CAMTA1: variants seen among roughly 807,000 people sequenced by gnomAD.
The protein encoded by CAMTA1 is calmodulin-binding transcription activator 1.
A neutral mutation model predicts 170.9 loss-of-function variants in CAMTA1; 27 were observed. The ratio of observed to expected loss-of-function variants is 0.16; its 90% CI spans 0.12 to 0.22. The LOEUF is 0.22. CAMTA1 is among the 10% of genes least tolerant of loss of function. The pLI is 1.00. For missense variants in CAMTA1, 1,619 were observed against 2,217.2 expected, an observed-to-expected ratio of 0.73 and a Z score of 5.42; for synonymous variants, 833 against 891.5, an observed-to-expected ratio of 0.93 and a Z score of 1.17.
intron 6 of CAMTA1, among the ~76,000 whole-genome samples, chr1:7,500,444 A>G (rs1173495583): frequency 6.6e-6 from 1 of 151,760 alleles, no homozygotes; most frequent in African/African-American, 2.4e-5. Flanking sequence ...GTGTGTGTGC[A>G]TGAGTGAGTG....
At chr1:7,185,958 C>G (rs1304386466) in intron 4 of CAMTA1, among the ~76,000 whole-genome samples, 3 of 152,184 alleles carry the variant, frequency 2.0e-5, no homozygotes, top group Non-Finnish European at 2.9e-5. Flanking sequence ...CTTTAGCTCT[C>G]AAGGGCTTTA....
At position 7,768,126 on chromosome 1, in the gene CAMTA1, A is replaced by G. The variant is rs1404268798; in HGVS notation, c.*1635A>G. ...CACTTAGAATGATAAAAAAAAAAAA[A>G]AAAAACCTGACAAAAGAAATAGTAT... On this transcript the variant is annotated 3_prime_UTR_variant, in exon 23 of 23. Transcript: ENST00000303635. The G allele has an allele frequency of 1.3e-5, 2 of 152,416 alleles. No individual in the cohort carries two copies. The highest frequency in any genetic ancestry group is 2.1e-4 in the South Asian group (1 of 4,826). The allele number at this position is 152,416 out of a possible 1,614,324, so 9.4% of individuals were successfully genotyped here.
intron 6 of CAMTA1, among the ~76,000 whole-genome samples, chr1:7,552,543 G>A (rs907246810): frequency 5.9e-5 from 9 of 152,250 alleles, no homozygotes; most frequent in Admixed American, 3.9e-4. Flanking sequence ...CGACAGGAGG[G>A]AAGGAAGGAG....
Position 7,751,208 on chromosome 1 carries a change from T to C in CAMTA1, c.4699T>C (p.Tyr1567His), listed in dbSNP as rs267598728. ...CYRKYKQYAL[Y>H]KKMTQAAILI... ...CTTGTTTCCCCTGCAGTACGCACTT[T>C]ATAAAAAGATGACACAGGCTGCCAT... Residue 1567 changes from tyrosine to histidine, a missense_variant, in exon 20 of 23, where the codon TAT (tyrosine) becomes CAT (histidine). Physicochemically the swap from Tyr to His is moderately conservative, Grantham distance 83. Transcript: ENST00000303635. 6.3e-7 allele frequency: 1 copy of C among 1,589,738 alleles called. No individual in the cohort carries two copies.
chr1:7,241,853 A>G (rs535458027), intron 4 of CAMTA1, among the ~76,000 whole-genome samples: 13 of 152,330 alleles, frequency 8.5e-5, no homozygotes, highest in African/African-American at 2.2e-4. Flanking sequence ...AAAGATATAG[A>G]AGAAGACATA....
At chr1:7,737,913 T>C in intron 15 of CAMTA1, 46 bp from the exon 16 acceptor site, 1 of 1,530,312 alleles carries the variant, frequency 6.5e-7, no homozygotes, top group Non-Finnish European at 8.8e-7. Flanking sequence ...TGAGGATTCC[T>C]AGTTGTATCT....
intron 5 of CAMTA1, among the ~76,000 whole-genome samples, chr1:7,372,719 A>C (rs1643266038): frequency 6.6e-6 from 1 of 152,210 alleles, no homozygotes; most frequent in Non-Finnish European, 1.5e-5. Context: ...GCAGCCTTGG[A>C]GCCCCATGTG....
At chr1:7,187,608 A>G (rs867354681) in intron 4 of CAMTA1, among the ~76,000 whole-genome samples, 12 of 152,224 alleles carry the variant, frequency 7.9e-5, no homozygotes, top group Admixed American at 3.9e-4. Context: ...TAAAAAATGA[A>G]TATAATATTT....
intron 4 of CAMTA1, among the ~76,000 whole-genome samples, chr1:7,202,598 ACTT>A (rs1017388894): frequency 6.6e-6 from 1 of 152,030 alleles, no homozygotes; most frequent in African/African-American, 2.4e-5. Context: ...TAAGTTTTGG[ACTT>A]CTTGTAATTA....
intron 4 of CAMTA1, among the ~76,000 whole-genome samples, chr1:7,125,984 C>T (rs1222578552): frequency 6.6e-6 from 1 of 152,124 alleles, no homozygotes; most frequent in Non-Finnish European, 1.5e-5. Flanking sequence ...GACAGTTCCA[C>T]ATGGCTGGGG....
chr1:7,092,307 GC>G lies in CAMTA1; in HGVS notation c.302+939del, dbSNP rs930477272. On this transcript the variant is annotated intron_variant, in intron 4 of 22. Transcript: ENST00000303635. The surrounding 1 kb of genome is among the most constrained non-coding windows in gnomAD (Gnocchi z 5.0). ...GGGAAGGGTTGAGTGTGTCCTCTGT[GC>G]CCGTGGCCCATCAGCTTGACCTGTT... Among the ~76,000 whole-genome samples, 2 of 152,178 alleles carry G rather than the reference GC, an allele frequency of 1.3e-5. No individual in the cohort carries two copies. The highest frequency in any genetic ancestry group is 4.8e-5 in the African/African-American group (2 of 41,438).
chr1:7,160,443 G>C (rs1647144788), intron 4 of CAMTA1, among the ~76,000 whole-genome samples: 1 of 151,794 alleles, frequency 6.6e-6, no homozygotes, highest in Non-Finnish European at 1.5e-5. Flanking sequence ...GACTATCTCG[G>C]CAGCATTGAT....
At chr1:7,515,774 T>C (rs2094276457) in intron 6 of CAMTA1, among the ~76,000 whole-genome samples, 1 of 152,186 alleles carries the variant, frequency 6.6e-6, no homozygotes, top group Non-Finnish European at 1.5e-5. Context: ...TTTCCCAGGA[T>C]CTGCTGGTCT....
chr1:7,242,571 G>C (rs1183057180), intron 4 of CAMTA1, among the ~76,000 whole-genome samples: 2 of 152,068 alleles, frequency 1.3e-5, no homozygotes, highest in African/African-American at 4.8e-5. Context: ...TATGATGTGA[G>C]GGGTAAACCC....
intron 6 of CAMTA1, among the ~76,000 whole-genome samples, chr1:7,603,105 A>G (rs1489772690): frequency 6.6e-5 from 10 of 152,192 alleles, no homozygotes; most frequent in African/African-American, 2.2e-4. Flanking sequence ...ACTTCCAACT[A>G]TGTGGTCAAT....
At chr1:7,611,437 G>A (rs1466956930) in intron 6 of CAMTA1, among the ~76,000 whole-genome samples, 1 of 152,204 alleles carries the variant, frequency 6.6e-6, no homozygotes, top group Admixed American at 6.5e-5. Flanking sequence ...AAGTATCTGA[G>A]TCCAGGAGGA....
intron 22 of CAMTA1, among the ~76,000 whole-genome samples, chr1:7,762,169 C>G (rs1211366207): frequency 2.0e-5 from 3 of 152,124 alleles, no homozygotes; most frequent in Non-Finnish European, 4.4e-5. Context: ...TAAAAGCTAA[C>G]AAGCAGGAAT....
chr1:7,221,583 G>T (rs574816835), intron 4 of CAMTA1, among the ~76,000 whole-genome samples: 2 of 152,098 alleles, frequency 1.3e-5, no homozygotes, highest in African/African-American at 4.8e-5. Context: ...ACCAGTGAAT[G>T]CGTCGTGAAA....
intron 5 of CAMTA1, among the ~76,000 whole-genome samples, chr1:7,272,169 A>G (rs373056826): frequency 1.3e-5 from 2 of 152,178 alleles, no homozygotes; most frequent in African/African-American, 4.8e-5. Context: ...AGAATATAAT[A>G]TTTAGGGATA....
Sources: gnomAD v4.1 joint callset for allele counts (sites outside exome capture counted in the v4.1 genomes callset) on GRCh38, gnomAD v4.1.1 for gene constraint, Gnocchi (gnomAD v3.1) non-coding constraint, MANE v1.5 for transcripts, NCBI Gene and HGNC (gene_info 2026-07-23, HGNC 2026-07-21) for gene names.